The following RGPD4 variants were observed in gnomAD, a reference collection of about 807,000 sequenced individuals.
RGPD4 encodes the protein RANBP2 like and GRIP domain containing 4.
RGPD4 carries 84 observed loss-of-function variants against 141.1 expected under a neutral mutation model. The observed-to-expected ratio is 0.60, with a 90% CI of 0.50 to 0.71. The LOEUF (loss-of-function observed/expected upper bound fraction) is 0.71. RGPD4 is among the 30% of genes least tolerant of loss of function. RGPD4 has a pLI of 0.00. For synonymous variants in RGPD4, 298 were observed against 566.8 expected, an observed-to-expected ratio of 0.53 and a Z score of 6.74; for missense variants, 918 against 1,622.4, an observed-to-expected ratio of 0.57 and a Z score of 7.46.
At chr2:107,831,205 T>C (rs536484432) in intron 1 of RGPD4, among the ~76,000 whole-genome samples, 1 of 147,118 alleles carries the variant, frequency 6.8e-6, no homozygotes, top group Admixed American at 6.8e-5. Flanking sequence ...AAAAAATATA[T>C]AATTCTTTCT....
intron 8 of RGPD4, among the ~76,000 whole-genome samples, chr2:107,856,123 G>A (rs1313482827): frequency 4.1e-5 from 5 of 123,136 alleles, no homozygotes; most frequent in East Asian, 2.2e-4. Context: ...GCGTGATCTC[G>A]GCTCACTGCA....
intron 20 of RGPD4, among the ~76,000 whole-genome samples, chr2:107,878,594 C>A: frequency 6.8e-6 from 1 of 147,410 alleles, no homozygotes; most frequent in East Asian, 2.0e-4. Context: ...AAATTTCTTT[C>A]AATATTCCAC....
In RGPD4 at chr2:107,871,206, T is replaced by C; in HGVS notation, c.3202T>C (p.Phe1068Leu). The C allele has an allele frequency of 6.2e-7, 1 of 1,609,556 alleles. No homozygotes were observed. ...KVLYSQGVKL[F>L]RFDAEVRQWK... ...TCTGTATTCACAGGGGGTAAAACTA[T>C]TTAGATTTGATGCTGAGGTAAGGCA... The change falls in exon 20 of 23, where the codon TTT becomes CTT. Residue 1068 changes from phenylalanine to leucine, a missense_variant. By Grantham distance (22) the Phe-to-Leu change is conservative. Coordinates refer to ENST00000408999, the MANE Select transcript of RGPD4 (RefSeq NM_182588.3).
At chr2:107,878,378 C>T (rs533146906) in intron 20 of RGPD4, among the ~76,000 whole-genome samples, 23 of 144,036 alleles carry the variant, frequency 1.6e-4, no homozygotes, top group African/African-American at 3.7e-4. Context: ...CACTGTAACC[C>T]GGGAAGAGGG....
At chr2:107,830,110 TC>T (rs1681425615) in intron 1 of RGPD4, among the ~76,000 whole-genome samples, 2 of 151,712 alleles carry the variant, frequency 1.3e-5, no homozygotes, top group African/African-American at 4.8e-5. Flanking sequence ...CCAGCTCCAC[TC>T]CACTCCTCAT....
chr2:107,831,517 T>C (rs1340025704), intron 1 of RGPD4, among the ~76,000 whole-genome samples: 1 of 149,952 alleles, frequency 6.7e-6, no homozygotes, highest in African/African-American at 2.4e-5. Flanking sequence ...ATATATACTT[T>C]TGTTATTTTT....
Position 107,870,730 on chromosome 2 carries a change from C to A in RGPD4, c.2726C>A (p.Ser909Ter), listed in dbSNP as rs201500065. Residue 909 changes from serine (S) to a stop codon, truncating the protein, a stop_gained, in exon 20 of 23, where the codon TCA becomes TAA. Coordinates refer to ENST00000408999, the MANE Select transcript of RGPD4 (RefSeq NM_182588.3). LOFTEE classifies it high-confidence loss of function. ...GGTTCTTCTAATACAGAATTTAAGT[C>A]AACCAAAGAAGGATTTTCCATCCCT... ...TKGSSNTEFK[S>*]TKEGFSIPVS... is the part of the protein sequence containing the mutation. 3.7e-6 allele frequency: 6 copies of A among 1,609,350 alleles called. No individual in the cohort carries two copies. The highest frequency in any genetic ancestry group is 3.3e-5 in the Admixed American group (2 of 59,710).
chr2:107,862,085 T>C (rs1459230858), intron 15 of RGPD4, among the ~76,000 whole-genome samples: 2 of 11,850 alleles, frequency 1.7e-4, no homozygotes, highest in Admixed American at 9.8e-4. Flanking sequence ...AAATTGAAAG[T>C]TGTTGCTGAC....
Position 107,880,066 on chromosome 2 carries a change from G to T in RGPD4, c.5023G>T (p.Glu1675Ter), listed in dbSNP as rs759977760. 1.2e-6 allele frequency: 2 copies of T among 1,611,370 alleles called. No homozygotes were observed. Among genetic ancestry groups the T allele is most frequent in the Admixed American group, 3.3e-5 (2 of 59,988 alleles). The change falls in exon 21 of 23, where the codon GAA becomes TAA. Residue 1675 changes from glutamate (E) to a stop codon, truncating the protein, a stop_gained. Coordinates refer to ENST00000408999, the MANE Select transcript of RGPD4 (RefSeq NM_182588.3). LOFTEE classifies it high-confidence loss of function. ...SADHLNGLLR[E>*]AEATSAVLME... ...AGATCACTTAAACGGCCTGCTTCGG[G>T]AAGCAGAGGCAACCAGTGCAGTCCT... is the stretch of plus-strand genomic sequence containing the variant.
intron 21 of RGPD4, among the ~76,000 whole-genome samples, chr2:107,881,247 C>G (rs1355666578): frequency 2.0e-5 from 3 of 150,488 alleles, no homozygotes; most frequent in East Asian, 1.9e-4. Flanking sequence ...CATTTTCCCA[C>G]TAATAAAAAC....
At chr2:107,846,704 G>A (rs888741803) in intron 6 of RGPD4, among the ~76,000 whole-genome samples, 41 of 150,092 alleles carry the variant, frequency 2.7e-4, no homozygotes, top group Admixed American at 6.6e-4. Flanking sequence ...CTGACCTCAG[G>A]TGATCCACCC....
intron 7 of RGPD4, among the ~76,000 whole-genome samples, chr2:107,849,064 T>C (rs1242258640): frequency 4.8e-5 from 6 of 125,648 alleles, no homozygotes; most frequent in Non-Finnish European, 1.7e-5. Flanking sequence ...TTTATTTTTT[T>C]ATTTTTTTTG....
chr2:107,853,765 G>A, intron 7 of RGPD4, among the ~76,000 whole-genome samples: 1 of 56,504 alleles, frequency 1.8e-5, no homozygotes, highest in East Asian at 3.6e-4. Context: ...TTCTTTTGTT[G>A]GAGATAGGGT....
At position 107,847,824 on chromosome 2, in the gene RGPD4, C is replaced by CAAAAA. The variant is rs1263002672; in HGVS notation, c.783-500_783-496dup. ...CAGGCGATAGTGAGAGACTCCGTCT[C>CAAAAA]AAAAAAAAAAAAAAAAAAAAAGACA... On this transcript the variant is annotated intron_variant, in intron 6 of 22. Coordinates refer to ENST00000408999, the MANE Select transcript of RGPD4 (RefSeq NM_182588.3). Among the ~76,000 whole-genome samples, 82 of 53,150 alleles carry CAAAAA rather than the reference C, an allele frequency of 1.5e-3. 1 individual carries two copies. Among genetic ancestry groups the CAAAAA allele is most frequent in the Middle Eastern group, 0.014 (1 of 74 alleles). The allele number at this position is 53,150 out of a possible 152,430, so 34.9% of individuals were successfully genotyped here. A position where few individuals can be genotyped will look rare whatever the true frequency, so the allele number is the denominator to read the frequency against.
intron 1 of RGPD4, among the ~76,000 whole-genome samples, chr2:107,830,030 C>T (rs1344476840): frequency 6.6e-6 from 1 of 152,022 alleles, no homozygotes. Flanking sequence ...AATGGCCGGA[C>T]GGCGCAAATG....
chr2:107,827,425 C>CTCGATG (rs1681250887), intron 1 of RGPD4, among the ~76,000 whole-genome samples: 1 of 8,246 alleles, frequency 1.2e-4, no homozygotes, highest in African/African-American at 5.5e-4. Context: ...CCGGCCCGGC[C>CTCGATG]GCGGCCGCGA....
intron 9 of RGPD4, among the ~76,000 whole-genome samples, chr2:107,858,730 G>A (rs534329463): frequency 7.4e-6 from 1 of 134,514 alleles, no homozygotes; most frequent in African/African-American, 2.8e-5. Context: ...TTACTGTACT[G>A]ATGGATTATA....
At chr2:107,877,737 C>A (rs539305540) in intron 20 of RGPD4, among the ~76,000 whole-genome samples, 2 of 151,682 alleles carry the variant, frequency 1.3e-5, no homozygotes, top group African/African-American at 2.4e-5. Context: ...AACAGTTTAT[C>A]TTAGCTAGTA....
chr2:107,835,558 TA>T (rs1454858315), intron 1 of RGPD4, among the ~76,000 whole-genome samples: 1 of 151,780 alleles, frequency 6.6e-6, no homozygotes, highest in East Asian at 1.9e-4. Flanking sequence ...CTCAGTGCCT[TA>T]ATAGATCCTA....
Sources: gnomAD v4.1 joint callset for allele counts (sites outside exome capture counted in the v4.1 genomes callset) on GRCh38, gnomAD v4.1.1 for gene constraint, MANE v1.5 for transcripts, NCBI Gene and HGNC (gene_info 2026-07-23, HGNC 2026-07-21) for gene names.